PTPRT: variants seen among roughly 807,000 people sequenced by gnomAD.
PTPRT encodes protein tyrosine phosphatase receptor type T, also known as receptor-type tyrosine-protein phosphatase T.
A neutral mutation model predicts 176.8 loss-of-function variants in PTPRT; 56 were observed. The observed-to-expected ratio is 0.32, with a 90% CI of 0.26 to 0.40. The LOEUF (loss-of-function observed/expected upper bound fraction) is 0.40. PTPRT is among the 10% of genes least tolerant of loss of function. PTPRT has a pLI of 1.00. For synonymous variants in PTPRT, 783 were observed against 739.0 expected, an observed-to-expected ratio of 1.06 and a Z score of -0.96; for missense variants, 1,540 against 1,908.2, an observed-to-expected ratio of 0.81 and a Z score of 3.60.
At chr20:43,163,192 C>T (rs1233620814) in intron 1 of PTPRT, among the ~76,000 whole-genome samples, 1 of 152,248 alleles carries the variant, frequency 6.6e-6, no homozygotes. Flanking sequence ...AAATAAACAT[C>T]TGTGGTCAAC....
At chr20:42,609,223 A>G (rs1312360514) in intron 7 of PTPRT, among the ~76,000 whole-genome samples, 1 of 151,966 alleles carries the variant, frequency 6.6e-6, no homozygotes, top group African/African-American at 2.4e-5. Flanking sequence ...ACAGACACAC[A>G]TGACCATGCC....
chr20:42,762,658 T>G (rs2076931143), intron 5 of PTPRT, among the ~76,000 whole-genome samples: 1 of 152,238 alleles, frequency 6.6e-6, no homozygotes, highest in Non-Finnish European at 1.5e-5. Context: ...CTTTTGTGCT[T>G]TGCCCAAGGG....
chr20:42,760,729 C>A (rs2076903551), intron 5 of PTPRT, among the ~76,000 whole-genome samples: 1 of 152,160 alleles, frequency 6.6e-6, no homozygotes, highest in Admixed American at 6.5e-5. Flanking sequence ...GAATCTACAG[C>A]ATCGGCCTCA....
intron 16 of PTPRT, among the ~76,000 whole-genome samples, chr20:42,184,595 CTCTTCTTCT>C (rs1357403802): frequency 3.4e-5 from 1 of 29,428 alleles, no homozygotes; most frequent in Non-Finnish European, 8.8e-5. Flanking sequence ...CTTCTTCTTC[CTCTTCTTCT>C]TCTTCTTCTT....
At chr20:42,190,727 C>T (rs763916962) in intron 16 of PTPRT, among the ~76,000 whole-genome samples, 9 of 152,186 alleles carry the variant, frequency 5.9e-5, no homozygotes, top group Non-Finnish European at 1.0e-4. Flanking sequence ...TTCTGGAGAT[C>T]ATGCTTCAAG....
chr20:42,154,563 C>T (rs569473995), intron 17 of PTPRT, among the ~76,000 whole-genome samples: 1 of 152,326 alleles, frequency 6.6e-6, no homozygotes, highest in East Asian at 1.9e-4. Flanking sequence ...TTTAAATAGT[C>T]TTAATGGAGC....
At chr20:42,698,777 C>CG (rs1339159769) in intron 6 of PTPRT, among the ~76,000 whole-genome samples, 1 of 152,036 alleles carries the variant, frequency 6.6e-6, no homozygotes, top group Non-Finnish European at 1.5e-5. Flanking sequence ...CCCAACCGCC[C>CG]GGGTCTTTGG....
At chr20:42,392,158 A>T (rs1192951373) in intron 9 of PTPRT, among the ~76,000 whole-genome samples, 1 of 152,118 alleles carries the variant, frequency 6.6e-6, no homozygotes, top group Non-Finnish European at 1.5e-5. Flanking sequence ...CTTCTATTTC[A>T]GCTAATTCCA....
chr20:42,299,937 G>A (rs1371028734), intron 12 of PTPRT, among the ~76,000 whole-genome samples: 3 of 148,756 alleles, frequency 2.0e-5, no homozygotes, highest in African/African-American at 4.9e-5. Context: ...GTGAGCCACC[G>A]CACCCGGCCA....
chr20:43,014,747 G>T (rs186808492), intron 1 of PTPRT, among the ~76,000 whole-genome samples: 2 of 152,248 alleles, frequency 1.3e-5, no homozygotes, highest in Non-Finnish European at 2.9e-5. Context: ...ATATTAATGA[G>T]CCTAAATTCT....
chr20:42,225,729 T>A (rs1230695840), intron 15 of PTPRT, among the ~76,000 whole-genome samples: 4 of 152,196 alleles, frequency 2.6e-5, no homozygotes, highest in Non-Finnish European at 5.9e-5. Context: ...CTTGGCTCAC[T>A]ACAAACCCCG....
chr20:42,113,415 A>G (rs1296770629), intron 22 of PTPRT, among the ~76,000 whole-genome samples: 1 of 152,150 alleles, frequency 6.6e-6, no homozygotes, highest in East Asian at 1.9e-4. Context: ...TCCAGGCCTG[A>G]GCTGCAGGGA....
intron 7 of PTPRT, among the ~76,000 whole-genome samples, chr20:42,542,395 G>C (rs12106011): frequency 2.0e-5 from 3 of 146,550 alleles, no homozygotes. Flanking sequence ...AGTTTCCAGG[G>C]GGAAAAAAAA....
chr20:43,091,223 C>T (rs2011837020), intron 1 of PTPRT, among the ~76,000 whole-genome samples: 1 of 151,356 alleles, frequency 6.6e-6, no homozygotes, highest in Non-Finnish European at 1.5e-5. Context: ...ACGGAGATTC[C>T]ATCTCAAAAA....
chr20:42,771,673 C>A, intron 4 of PTPRT, 123 bp from the exon 5 acceptor site: 1 of 727,834 alleles, frequency 1.4e-6, no homozygotes, highest in African/African-American at 1.7e-5. Flanking sequence ...AGAAGTAGCC[C>A]GGCTCAGTCA....
chr20:42,038,958 C>T, the PTPRT span, among the ~76,000 whole-genome samples: 1 of 152,134 alleles, frequency 6.6e-6, no homozygotes, highest in East Asian at 1.9e-4. Context: ...TCTTCCAGCC[C>T]AAACTTCTCC....
chr20:42,700,760 C>T (rs1272166722), intron 6 of PTPRT, among the ~76,000 whole-genome samples: 1 of 152,086 alleles, frequency 6.6e-6, no homozygotes, highest in Non-Finnish European at 1.5e-5. Flanking sequence ...CTCTCAGAAC[C>T]CTCATCTAGG....
the PTPRT span, among the ~76,000 whole-genome samples, chr20:42,056,294 A>G: frequency 2.2e-4 from 34 of 152,328 alleles, no homozygotes; most frequent in Non-Finnish European, 4.6e-4. Context: ...ACTTTTGTCA[A>G]CTTATAGGGC....
chr20:42,310,643 C>A (rs187993530), intron 12 of PTPRT, among the ~76,000 whole-genome samples: 11 of 151,908 alleles, frequency 7.2e-5, no homozygotes, highest in Admixed American at 4.6e-4. Context: ...TTTGGCTTCT[C>A]GTCTAGACTA....
Sources: allele counts gnomAD v4.1 joint callset (sites outside exome capture counted in the v4.1 genomes callset), GRCh38; gene constraint gnomAD v4.1.1; transcripts MANE v1.5; gene names NCBI Gene and HGNC (gene_info 2026-07-23, HGNC 2026-07-21).